PLD5: variants seen among roughly 807,000 people sequenced by gnomAD.
The protein encoded by PLD5 is phospholipase D family member 5.
In PLD5, 36 loss-of-function variants were observed where a neutral mutation model predicts 61.1. That is an observed-to-expected ratio of 0.59 (90% CI 0.45 to 0.78). PLD5 has a LOEUF of 0.78. Among genes scored for constraint, PLD5 ranks in the 30% least tolerant of loss-of-function variants. The probability of loss-of-function intolerance (pLI) is 0.00; values close to 1 mark genes in which losing one functional copy is unlikely to be tolerated. For missense variants in PLD5, 515 were observed against 644.4 expected (o/e 0.80, Z 2.17); for synonymous variants, 243 against 242.8 (o/e 1.00, Z -0.01).
chr1:242,331,526 C>A (rs900479230), intron 2 of PLD5, among the ~76,000 whole-genome samples: 1 of 65,906 alleles, frequency 1.5e-5, no homozygotes, highest in Non-Finnish European at 4.4e-5. Context: ...CTGGAAGGGA[C>A]CTTCTAACAT....
chr1:242,245,332 G>T (rs1672292869), intron 4 of PLD5, among the ~76,000 whole-genome samples: 1 of 152,154 alleles, frequency 6.6e-6, no homozygotes, highest in Admixed American at 6.5e-5. Flanking sequence ...TTTGCTTAAG[G>T]GAACACAGAA....
chr1:242,295,615 G>A (rs961082127), intron 2 of PLD5, among the ~76,000 whole-genome samples: 3 of 152,172 alleles, frequency 2.0e-5, no homozygotes, highest in African/African-American at 7.2e-5. Flanking sequence ...AAGTGCAAGT[G>A]TCCGTTTGAT....
At chr1:242,171,677 A>T (rs567832490) in intron 5 of PLD5, among the ~76,000 whole-genome samples, 18 of 151,674 alleles carry the variant, frequency 1.2e-4, no homozygotes, top group African/African-American at 4.4e-4. Flanking sequence ...CATAGGCTCA[A>T]AATAAAGAGA....
chr1:242,503,956 C>T (rs1421326827), intron 1 of PLD5, among the ~76,000 whole-genome samples: 3 of 152,146 alleles, frequency 2.0e-5, no homozygotes, highest in Admixed American at 2.0e-4. Flanking sequence ...GATTGCTTTA[C>T]TATTTAAGAC....
rs763646835 is a variant in PLD5, at chr1:242,083,157, A to G, written c.*6697T>C. The G allele has an allele frequency of 5.3e-5, 8 of 152,210 alleles. No homozygotes were observed. Among genetic ancestry groups the G allele is most frequent in the Non-Finnish European group, 1.2e-4 (8 of 68,044 alleles). The allele number at this position is 152,210 out of a possible 1,614,324, so 9.4% of individuals were successfully genotyped here. On this transcript the variant is annotated 3_prime_UTR_variant, in exon 10 of 10. Transcript: ENST00000536534. ...CTCAAATTGTCTTGACTGCAGAAGT[A>G]ACTGCTGTCACTGTTCTCAGAGTCA...
chr1:242,248,245 TGTAACTCCCCAC>T (rs1672503418), intron 4 of PLD5, among the ~76,000 whole-genome samples: 1 of 152,244 alleles, frequency 6.6e-6, no homozygotes, highest in African/African-American at 2.4e-5. Flanking sequence ...GCAATCATGT[TGTAACTCCCCAC>T]TTTAAGCTAT....
chr1:242,144,263 TA>T (rs11327747), intron 5 of PLD5, among the ~76,000 whole-genome samples: 89,632 of 150,764 alleles, frequency 0.59, 27,306 homozygotes, highest in African/African-American at 0.72. Context: ...ATTTTTTTTT[TA>T]AAATATTATT....
At chr1:242,516,906 G>T (rs1669122346) in intron 1 of PLD5, among the ~76,000 whole-genome samples, 1 of 152,142 alleles carries the variant, frequency 6.6e-6, no homozygotes, top group Non-Finnish European at 1.5e-5. Context: ...CAATTTAGGG[G>T]AGAATTAAAA....
At chr1:242,139,904 A>G (rs1664031506) in intron 5 of PLD5, among the ~76,000 whole-genome samples, 1 of 152,148 alleles carries the variant, frequency 6.6e-6, no homozygotes, top group Non-Finnish European at 1.5e-5. Context: ...TTGGCAGGGA[A>G]GATTTCTGTC....
intron 5 of PLD5, among the ~76,000 whole-genome samples, chr1:242,166,840 CCTT>C (rs1666338462): frequency 6.6e-6 from 1 of 152,036 alleles, no homozygotes; most frequent in Non-Finnish European, 1.5e-5. Context: ...AGAAATTCAT[CCTT>C]CTTTAAAATT....
At position 242,524,104 on chromosome 1, in the gene PLD5, T is replaced by C. The variant is rs1245188920; in HGVS notation, c.173A>G (p.Lys58Arg). 1 of 1,535,010 alleles carries C rather than the reference T, an allele frequency of 6.5e-7. No individual in the cohort carries two copies. Among genetic ancestry groups the C allele is most frequent in the Non-Finnish European group, 8.7e-7 (1 of 1,146,252 alleles). ...CGCCCTTACGTGCTCCAGCTTGTCT[T>C]TCCTCCGAAGCCAGACGCTGGCGCT... ...DYSASVWLRRKDKLEHSQQKC... is the reference protein window; with the variant it reads ...DYSASVWLRRRDKLEHSQQKC... Residue 58 changes from lysine to arginine, a missense_variant, in exon 1 of 10, where the codon AAA becomes AGA. Coordinates refer to ENST00000536534, the MANE Select transcript of PLD5 (RefSeq NM_001372062.1).
At chr1:242,213,140 A>G (rs1669935174) in intron 5 of PLD5, among the ~76,000 whole-genome samples, 1 of 152,182 alleles carries the variant, frequency 6.6e-6, no homozygotes, top group Admixed American at 6.5e-5. Flanking sequence ...CAATTGGCCT[A>G]TAATTGTTAT....
At chr1:242,185,904 C>T (rs1033720873) in intron 5 of PLD5, among the ~76,000 whole-genome samples, 1 of 152,096 alleles carries the variant, frequency 6.6e-6, no homozygotes, top group South Asian at 2.1e-4. Context: ...TGTGGCTTCT[C>T]GATGACTAAT....
intron 1 of PLD5, among the ~76,000 whole-genome samples, chr1:242,513,375 A>G (rs766403622): frequency 6.6e-6 from 1 of 152,146 alleles, no homozygotes; most frequent in Non-Finnish European, 1.5e-5. Flanking sequence ...CATTAACAGT[A>G]CCTTCTTATA....
At position 242,134,803 on chromosome 1, in the gene PLD5, AC is replaced by A. The variant is rs1263622022; in HGVS notation, c.736-10139del. ...GGCAAGTCTAGCTTTTTGAAAGGAA[AC>A]CTGACATCTAGATTCCCAGCACCAT... is the stretch of plus-strand genomic sequence containing the variant. On this transcript the variant is annotated intron_variant, in intron 5 of 9. Coordinates refer to ENST00000536534, the MANE Select transcript of PLD5 (RefSeq NM_001372062.1). Among the ~76,000 whole-genome samples the A allele has an allele frequency of 2.0e-5, 3 of 152,210 alleles. No individual in the cohort carries two copies. The East Asian group carries it at 5.8e-4, about 29-fold the overall frequency.
intron 1 of PLD5, among the ~76,000 whole-genome samples, chr1:242,466,878 G>C (rs1301824354): frequency 1.3e-5 from 2 of 148,620 alleles, no homozygotes; most frequent in African/African-American, 2.5e-5. Context: ...GCGGTACAGA[G>C]TGAGACTCCA....
In PLD5 at chr1:242,087,365, C is replaced by T. The variant is rs1204559801; in HGVS notation, c.*2489G>A. 1 of 152,180 alleles carries T rather than the reference C, an allele frequency of 6.6e-6. No homozygotes were observed. The highest frequency in any genetic ancestry group is 1.5e-5 in the Non-Finnish European group (1 of 68,042). The allele number at this position is 152,180 out of a possible 1,614,324, so 9.4% of individuals were successfully genotyped here. ...GTCATTCCGTAATGGATGACATTCTCTTCTCGTAGCACATACAGCAGATAG... is the reference window on the plus strand; with the variant it reads ...GTCATTCCGTAATGGATGACATTCTTTTCTCGTAGCACATACAGCAGATAG... On this transcript the variant is annotated 3_prime_UTR_variant, in exon 10 of 10. Transcript: ENST00000536534.
At chr1:242,280,717 C>T (rs781779821) in intron 3 of PLD5, among the ~76,000 whole-genome samples, 1 of 152,036 alleles carries the variant, frequency 6.6e-6, no homozygotes. Context: ...CTAGGAAATG[C>T]TATGATGTTA....
chr1:242,292,744 G>A (rs1200319384), intron 2 of PLD5, among the ~76,000 whole-genome samples: 2 of 152,190 alleles, frequency 1.3e-5, no homozygotes, highest in African/African-American at 2.4e-5. Context: ...TCCTCCTGTG[G>A]TATGGTTATA....
Sources: allele counts gnomAD v4.1 joint callset (sites outside exome capture counted in the v4.1 genomes callset), GRCh38; gene constraint gnomAD v4.1.1; transcripts MANE v1.5; gene names NCBI Gene and HGNC (gene_info 2026-07-23, HGNC 2026-07-21).